PSPC1: variants seen among roughly 807,000 people sequenced by gnomAD.
PSPC1 encodes paraspeckle protein 1.
In PSPC1, 14 loss-of-function variants were observed where a neutral mutation model predicts 51.6. That is an observed-to-expected ratio of 0.27 (90% confidence interval 0.18 to 0.42). The LOEUF (loss-of-function observed/expected upper bound fraction) is 0.42, where lower values mean the gene tolerates loss of function less well. Among genes scored for constraint, PSPC1 ranks in the 10% least tolerant of loss-of-function variants. PSPC1 has a pLI of 1.00. For missense variants in PSPC1, 406 were observed against 701.1 expected (o/e 0.58, Z 4.75); for synonymous variants, 193 against 231.9 (o/e 0.83, Z 1.53).
At chr13:19,742,542 C>T (rs1004011221) in intron 4 of PSPC1, among the ~76,000 whole-genome samples, 1 of 152,096 alleles carries the variant, frequency 6.6e-6, no homozygotes, top group Admixed American at 6.6e-5. Flanking sequence ...AGTTCGAGAC[C>T]AGCATGGCCA....
At chr13:19,701,397 C>A (rs1388609870), downstream of PSPC1, among the ~76,000 whole-genome samples, 1 of 151,282 alleles carries the variant, frequency 6.6e-6, no homozygotes, top group Admixed American at 6.6e-5. Context: ...TCCCCATACC[C>A]CAATTAATGT....
At chr13:19,726,601 G>A (rs181293750) in intron 6 of PSPC1, among the ~76,000 whole-genome samples, 8 of 152,124 alleles carry the variant, frequency 5.3e-5, no homozygotes, top group Admixed American at 1.3e-4. Flanking sequence ...TGTTTATTAC[G>A]TACATTGGAA....
At chr13:19,674,394 T>C (rs879270671), downstream of PSPC1, among the ~76,000 whole-genome samples, 1 of 152,210 alleles carries the variant, frequency 6.6e-6, no homozygotes. Context: ...GATTCTTAAA[T>C]GTGGAGAATC....
At chr13:19,673,856 A>G (rs550912879), downstream of PSPC1, among the ~76,000 whole-genome samples, 5 of 152,330 alleles carry the variant, frequency 3.3e-5, no homozygotes, top group African/African-American at 9.6e-5. Flanking sequence ...AAGGTTTATT[A>G]TAACATTTAG....
At chr13:19,685,467 T>C (rs1226553968) in intron 6 of PSPC1, among the ~76,000 whole-genome samples, 2 of 152,208 alleles carry the variant, frequency 1.3e-5, no homozygotes, top group Non-Finnish European at 2.9e-5. Context: ...GTTCACTAAT[T>C]CAACAAAAGC....
At chr13:19,691,590 T>C (rs999067354) in intron 6 of PSPC1, among the ~76,000 whole-genome samples, 6 of 151,704 alleles carry the variant, frequency 4.0e-5, no homozygotes, top group Non-Finnish European at 7.4e-5. Context: ...TGAAAAGACT[T>C]GATGGGAAAC....
At chr13:19,671,271 A>G (rs746209166), downstream of PSPC1, 1 of 1,613,834 alleles carries the variant, frequency 6.2e-7, no homozygotes, top group Non-Finnish European at 8.5e-7. Context: ...TAAGGTTGAC[A>G]GAAGCACCCT....
intron 6 of PSPC1, among the ~76,000 whole-genome samples, chr13:19,690,056 C>G (rs1032545439): frequency 6.6e-6 from 1 of 152,084 alleles, no homozygotes; most frequent in Admixed American, 6.5e-5. Context: ...CATGAAAGAC[C>G]AAGTCTCAAA....
chr13:19,744,269 A>T (rs1345681782), intron 4 of PSPC1, among the ~76,000 whole-genome samples: 1 of 152,166 alleles, frequency 6.6e-6, no homozygotes, highest in Non-Finnish European at 1.5e-5. Context: ...CCCAACAGCC[A>T]GGACTGACAG....
At chr13:19,749,103 T>G (rs1325271847) in intron 4 of PSPC1, among the ~76,000 whole-genome samples, 2 of 151,790 alleles carry the variant, frequency 1.3e-5, no homozygotes, top group Admixed American at 1.3e-4. Flanking sequence ...TCCCAGCACT[T>G]TGGGAGGCCG....
chr13:19,695,079 T>C (rs896680363), intron 6 of PSPC1, among the ~76,000 whole-genome samples: 2 of 152,184 alleles, frequency 1.3e-5, no homozygotes, highest in Non-Finnish European at 2.9e-5. Flanking sequence ...CACTGCTAAA[T>C]TATTTAACAT....
At chr13:19,673,375 AC>A (rs1486222392), downstream of PSPC1, 6 of 258,534 alleles carry the variant, frequency 2.3e-5, no homozygotes, top group Non-Finnish European at 3.9e-5. Context: ...ATTTCAGAGA[AC>A]CATTTTTACT....
intron 2 of PSPC1, among the ~76,000 whole-genome samples, chr13:19,766,923 G>T (rs758390460): frequency 2.0e-5 from 3 of 152,018 alleles, no homozygotes; most frequent in Non-Finnish European, 2.9e-5. Flanking sequence ...CAGCACTCTG[G>T]GAGGCTGAGG....
chr13:19,712,537 G>GT (rs1311400609), intron 6 of PSPC1, among the ~76,000 whole-genome samples: 1 of 152,078 alleles, frequency 6.6e-6, no homozygotes, highest in Non-Finnish European at 1.5e-5. Context: ...CACGGGAAAT[G>GT]TATCAATGTA....
chr13:19,780,401 C>A (rs1889820451), intron 1 of PSPC1, among the ~76,000 whole-genome samples: 1 of 79,652 alleles, frequency 1.3e-5, no homozygotes, highest in African/African-American at 3.5e-5. Context: ...ATTGAGAAAT[C>A]GGATGGTTGC....
intron 1 of PSPC1, among the ~76,000 whole-genome samples, chr13:19,779,425 A>G: frequency 1.7e-5 from 1 of 58,528 alleles, no homozygotes; most frequent in African/African-American, 6.6e-5. Context: ...CCGGGAGGTG[A>G]GGGGCGCCTC....
At chr13:19,702,086 T>C (rs1381992864), downstream of PSPC1, among the ~76,000 whole-genome samples, 1 of 130,970 alleles carries the variant, frequency 7.6e-6, no homozygotes, top group African/African-American at 2.9e-5. Flanking sequence ...AAATCACCTC[T>C]TGAACTGTAC....
intron 6 of PSPC1, among the ~76,000 whole-genome samples, chr13:19,713,545 C>A (rs550280820): frequency 0.016 from 1,387 of 87,164 alleles, 20 homozygotes; most frequent in Non-Finnish European, 0.022. Context: ...CCCAGACAGC[C>A]AAAAAAAAAA....
intron 5 of PSPC1, among the ~76,000 whole-genome samples, chr13:19,734,559 T>C (rs975713061): frequency 2.6e-5 from 4 of 152,124 alleles, no homozygotes; most frequent in South Asian, 2.1e-4. Context: ...CCCAGCACTT[T>C]GGGAGGCCAA....
Sources: gnomAD v4.1 joint callset for allele counts (sites outside exome capture counted in the v4.1 genomes callset) on GRCh38, gnomAD v4.1.1 for gene constraint, MANE v1.5 for transcripts, NCBI Gene and HGNC (gene_info 2026-07-23, HGNC 2026-07-21) for gene names.